The following KIAA1671 variants were observed in gnomAD, a reference collection of about 807,000 sequenced individuals.
KIAA1671 encodes uncharacterized protein KIAA1671.
KIAA1671 carries 52 observed loss-of-function variants against 131.2 expected under a neutral mutation model. The ratio of observed to expected loss-of-function variants is 0.40; its 90% CI spans 0.32 to 0.50. The LOEUF (loss-of-function observed/expected upper bound fraction) is 0.50. Ranked by LOEUF, KIAA1671 falls within the 20% of genes least tolerant of loss-of-function variation. KIAA1671 has a pLI of 0.73. For missense variants in KIAA1671, 2,360 were observed against 2,364.2 expected (o/e 1.00, Z 0.04); for synonymous variants, 1,003 against 961.6 (o/e 1.04, Z -0.80).
intron 6 of KIAA1671, chr22:25,055,866 A>G (rs988880157): frequency 1.3e-5 from 2 of 149,468 alleles, no homozygotes; most frequent in Non-Finnish European, 3.0e-5. Flanking sequence ...AGAGAGAGAC[A>G]GGCAAACAGA....
chr22:25,083,813 C>G (rs891160084), intron 6 of KIAA1671, among the ~76,000 whole-genome samples: 2 of 152,238 alleles, frequency 1.3e-5, no homozygotes, highest in Non-Finnish European at 2.9e-5. Flanking sequence ...GAAGAAAGCC[C>G]TTTGCCAGAC....
chr22:25,124,334 C>T (rs889315170), intron 6 of KIAA1671, among the ~76,000 whole-genome samples: 1 of 152,314 alleles, frequency 6.6e-6, no homozygotes, highest in South Asian at 2.1e-4. Flanking sequence ...TTGCCCTGCT[C>T]CCTTGGAAGG....
At chr22:24,970,364 G>C (rs1922533589) in intron 1 of KIAA1671, among the ~76,000 whole-genome samples, 1 of 152,204 alleles carries the variant, frequency 6.6e-6, no homozygotes, top group African/African-American at 2.4e-5. Context: ...CATAGGGCAG[G>C]GCAGGTCATG....
intron 6 of KIAA1671, chr22:25,060,111 G>C (rs1024421344): frequency 7.2e-5 from 11 of 152,216 alleles, no homozygotes; most frequent in African/African-American, 2.7e-4. Context: ...TTGCATCCCA[G>C]CTCTTCCTTG....
chr22:25,080,040 G>C (rs544174001), intron 6 of KIAA1671, among the ~76,000 whole-genome samples: 4 of 152,182 alleles, frequency 2.6e-5, no homozygotes, highest in Non-Finnish European at 5.9e-5. Context: ...CATGGGATAG[G>C]AAAGACTTGA....
intron 6 of KIAA1671, among the ~76,000 whole-genome samples, chr22:25,148,034 C>T (rs537846740): frequency 1.4e-5 from 2 of 144,056 alleles, no homozygotes; most frequent in Admixed American, 7.0e-5. Flanking sequence ...TGCTACCTCT[C>T]TCCCTCCCTC....
At chr22:25,068,173 G>C (rs1928587301) in intron 6 of KIAA1671, among the ~76,000 whole-genome samples, 1 of 148,984 alleles carries the variant, frequency 6.7e-6, no homozygotes. Flanking sequence ...CCTTCCGACT[G>C]TGCCGTCAGG....
chr22:24,999,246 A>C (rs1924305311), intron 1 of KIAA1671, among the ~76,000 whole-genome samples: 1 of 152,158 alleles, frequency 6.6e-6, no homozygotes, highest in Non-Finnish European at 1.5e-5. Flanking sequence ...AGAGAGAGAG[A>C]GAGAGCACAA....
intron 6 of KIAA1671, among the ~76,000 whole-genome samples, chr22:25,113,513 G>A (rs1239374893): frequency 1.3e-5 from 2 of 152,102 alleles, no homozygotes; most frequent in Non-Finnish European, 2.9e-5. Flanking sequence ...CAGCATTTAG[G>A]GAGGAGCCCT....
At chr22:25,077,479 C>T (rs570333136) in intron 6 of KIAA1671, among the ~76,000 whole-genome samples, 26 of 152,336 alleles carry the variant, frequency 1.7e-4, no homozygotes, top group Middle Eastern at 6.8e-3. Context: ...AGCTGCCTCT[C>T]CAGCCCCGCC....
At chr22:25,007,933 C>T (rs1487966512) in intron 1 of KIAA1671, among the ~76,000 whole-genome samples, 2 of 151,876 alleles carry the variant, frequency 1.3e-5, no homozygotes, top group African/African-American at 4.8e-5. Flanking sequence ...CGGTGGCTCA[C>T]GTCTGTAATC....
chr22:25,029,574 C>A, intron 3 of KIAA1671, 34 bp downstream of exon 3: 1 of 1,436,460 alleles, frequency 7.0e-7, no homozygotes, highest in South Asian at 1.4e-5. Flanking sequence ...CTCTCTCAGC[C>A]GCCCACCCAC....
chr22:24,961,905 G>C (rs1255494909), intron 1 of KIAA1671, among the ~76,000 whole-genome samples: 1 of 152,212 alleles, frequency 6.6e-6, no homozygotes, highest in Non-Finnish European at 1.5e-5. Context: ...TCGCAGAGCA[G>C]AGGCTCTGGG....
At chr22:25,002,398 T>C (rs1289470667) in intron 1 of KIAA1671, among the ~76,000 whole-genome samples, 1 of 152,094 alleles carries the variant, frequency 6.6e-6, no homozygotes, top group Non-Finnish European at 1.5e-5. Flanking sequence ...GGAAGCTATA[T>C]ACAATGTTAA....
chr22:25,066,983 C>T (rs544531177), intron 6 of KIAA1671, among the ~76,000 whole-genome samples: 1 of 152,170 alleles, frequency 6.6e-6, no homozygotes, highest in African/African-American at 2.4e-5. Flanking sequence ...AGAGAGGACA[C>T]TGTTCCACTT....
chr22:25,157,204 A>G (rs1310778987), intron 6 of KIAA1671, among the ~76,000 whole-genome samples: 1 of 152,222 alleles, frequency 6.6e-6, no homozygotes. Flanking sequence ...CACAAATGTT[A>G]CAAAATACAA....
At chr22:25,123,620 G>T (rs1932049036) in intron 6 of KIAA1671, among the ~76,000 whole-genome samples, 1 of 152,160 alleles carries the variant, frequency 6.6e-6, no homozygotes, top group Non-Finnish European at 1.5e-5. Flanking sequence ...CATATGGTGA[G>T]GAACTGAAGC....
intron 6 of KIAA1671, among the ~76,000 whole-genome samples, chr22:25,157,983 G>A (rs563081630): frequency 1.8e-3 from 273 of 151,996 alleles, no homozygotes; most frequent in African/African-American, 6.3e-3. Context: ...CACCACGCCC[G>A]GCTAATTTTT....
chr22:25,075,913 T>TTAC (rs1404104240), intron 6 of KIAA1671, among the ~76,000 whole-genome samples: 1 of 151,880 alleles, frequency 6.6e-6, no homozygotes, highest in East Asian at 1.9e-4. Context: ...GTAGCTGGGA[T>TTAC]TACAGGCGCC....
Sources: allele counts gnomAD v4.1 joint callset (sites outside exome capture counted in the v4.1 genomes callset), GRCh38; gene constraint gnomAD v4.1.1; transcripts MANE v1.5; gene names NCBI Gene and HGNC (gene_info 2026-07-23, HGNC 2026-07-21).